The following ABCB5 variants were observed in gnomAD, a reference collection of about 807,000 sequenced individuals.
ABCB5 encodes the protein ATP binding cassette subfamily B member 5.
ABCB5 carries 155 observed loss-of-function variants against 144.2 expected under a neutral mutation model. That is an observed-to-expected ratio of 1.08 (90% CI 0.94 to 1.23). The LOEUF (loss-of-function observed/expected upper bound fraction) is 1.23, where lower values mean the gene tolerates loss of function less well. Ranked by LOEUF, ABCB5 falls within the 50% of genes most tolerant of loss-of-function variation. The probability of loss-of-function intolerance (pLI) is 0.00; values close to 1 mark genes in which losing one functional copy is unlikely to be tolerated. For missense variants in ABCB5, 1,830 were observed against 1,520.8 expected (o/e 1.20, Z -3.38); for synonymous variants, 610 against 528.6 (o/e 1.15, Z -2.11).
chr7:20,742,620 C>T lies in ABCB5; in HGVS notation c.3025-257C>T, dbSNP rs192946033. On this transcript the variant is annotated intron_variant, in intron 24 of 27. Transcript: ENST00000404938. ...GAATGGAACTGTCTGTGCAGCAAAG[C>T]TGAAGGAAGCAAGTGGTTTTTAGAA... Among the ~76,000 whole-genome samples, 151 of 152,292 alleles carry T rather than the reference C, an allele frequency of 9.9e-4. 1 individual carries two copies. The highest frequency in any genetic ancestry group is 3.6e-3 in the African/African-American group (148 of 41,560).
chr7:20,722,159 G>C (rs1053146549), intron 20 of ABCB5, among the ~76,000 whole-genome samples: 1 of 152,154 alleles, frequency 6.6e-6, no homozygotes, highest in Non-Finnish European at 1.5e-5. Flanking sequence ...TCAAACATCA[G>C]CTTTATTACC....
intron 5 of ABCB5, among the ~76,000 whole-genome samples, chr7:20,642,881 C>T (rs534905583): frequency 6.6e-6 from 1 of 152,040 alleles, no homozygotes; most frequent in Non-Finnish European, 1.5e-5. Flanking sequence ...CCTACAATTA[C>T]CTTGATTGAC....
In ABCB5 at chr7:20,632,064, T is replaced by C; in HGVS notation, c.265T>C (p.Tyr89His). The C allele has an allele frequency of 6.6e-7, 1 of 1,514,730 alleles. No homozygotes were observed. Among genetic ancestry groups the C allele is most frequent in the Non-Finnish European group, 8.9e-7 (1 of 1,129,638 alleles). 93.8% of individuals were successfully genotyped at this position (1,514,730 alleles called of 1,614,324 possible). ...GCLVQTNTTN[Y>H]QNCTQSQEKL... The stretch of plus-strand genomic sequence containing the variant: ...TTAAATAACCTTTTTTACAGCAAAT[T>C]ATCAGAACTGTACTCAGTCTCAAGA... The change falls in exon 5 of 28, where the codon TAT becomes CAT. Residue 89 changes from tyrosine to histidine, a missense_variant. Physicochemically the swap from Tyr to His is moderately conservative, Grantham distance 83. Coordinates refer to ENST00000404938, the MANE Select transcript of ABCB5 (RefSeq NM_001163941.2).
intron 15 of ABCB5, among the ~76,000 whole-genome samples, chr7:20,682,054 A>C (rs1785849783): frequency 6.6e-6 from 1 of 152,026 alleles, no homozygotes; most frequent in South Asian, 2.1e-4. Context: ...AACACACAAA[A>C]ATTAGCTGGG....
Position 20,699,867 on chromosome 7 carries a change from G to A in ABCB5, c.2197G>A (p.Glu733Lys), listed in dbSNP as rs779350155. The A allele has an allele frequency of 1.2e-6, 2 of 1,612,586 alleles. No homozygotes were observed. The highest frequency in any genetic ancestry group is 4.5e-5 in the East Asian group (2 of 44,776). ...TAAAACCACATTAAAGCATGATGCA[G>A]AAATTTATTCCATGATATTCGTCAT... ...NDKTTLKHDA[E>K]IYSMIFVILG... Residue 733 changes from glutamate (E) to lysine (K), a missense_variant, in exon 18 of 28, where the codon GAA becomes AAA. Coordinates refer to ENST00000404938, the MANE Select transcript of ABCB5 (RefSeq NM_001163941.2).
intron 1 of ABCB5, among the ~76,000 whole-genome samples, chr7:20,620,831 G>A (rs1242598648): frequency 6.6e-6 from 1 of 152,092 alleles, no homozygotes; most frequent in African/African-American, 2.4e-5. Flanking sequence ...AAAACAGTAT[G>A]AATATTTCTC....
chr7:20,691,361 CGGAGA>C (rs940011774), intron 16 of ABCB5, among the ~76,000 whole-genome samples: 4 of 151,244 alleles, frequency 2.6e-5, no homozygotes, highest in African/African-American at 9.7e-5. Flanking sequence ...AGCAAAGAAC[CGGAGA>C]GGAGAGAACT....
intron 16 of ABCB5, among the ~76,000 whole-genome samples, chr7:20,689,482 A>G (rs1323364448): frequency 6.6e-6 from 1 of 152,228 alleles, no homozygotes; most frequent in Non-Finnish European, 1.5e-5. Flanking sequence ...TGTCATCTGC[A>G]GGAGTCTAGG....
chr7:20,658,413 G>A, intron 13 of ABCB5, 93 bp from the exon 14 acceptor site: 1 of 1,247,886 alleles, frequency 8.0e-7, no homozygotes, highest in Non-Finnish European at 1.1e-6. Context: ...TGATTAAGCT[G>A]ATATTAAAAC....
intron 20 of ABCB5, among the ~76,000 whole-genome samples, chr7:20,715,359 T>TG (rs1781637614): frequency 6.6e-6 from 1 of 151,952 alleles, no homozygotes; most frequent in African/African-American, 2.4e-5. Flanking sequence ...ACTACTTACT[T>TG]CATTTCCTTT....
intron 14 of ABCB5, chr7:20,659,389 TAAGC>T (rs1468367577): frequency 1.6e-5 from 20 of 1,212,734 alleles, no homozygotes; most frequent in Non-Finnish European, 2.0e-5. Context: ...GGAAGTGAGT[TAAGC>T]GTTTTTTTTT....
intron 26 of ABCB5, among the ~76,000 whole-genome samples, chr7:20,750,057 G>C (rs1230459502): frequency 6.6e-6 from 1 of 152,140 alleles, no homozygotes; most frequent in African/African-American, 2.4e-5. Flanking sequence ...AGTCACTGAA[G>C]ATTTTTAAAT....
rs1025834392 is a variant in ABCB5, at chr7:20,643,760, C to T, written c.678+128C>T. On this transcript the variant is annotated intron_variant, in intron 7 of 27. Coordinates refer to ENST00000404938, the MANE Select transcript of ABCB5 (RefSeq NM_001163941.2). ...CCAAACTACAAAGGGATATTATACA[C>T]CACAAATACTTTTGATTTTGTTCAC... is the stretch of plus-strand genomic sequence containing the variant. 8.3e-6 allele frequency: 8 copies of T among 962,418 alleles called. No individual in the cohort carries two copies. In the African/African-American group the frequency reaches 1.3e-4, roughly 16 times the overall value. The allele number at this position is 962,418 out of a possible 1,614,324, so 59.6% of individuals were successfully genotyped here.
At chr7:20,700,247 C>G in intron 19 of ABCB5, 112 bp downstream of exon 19, 1 of 974,904 alleles carries the variant, frequency 1.0e-6, no homozygotes, top group East Asian at 2.7e-5. Context: ...TGAAAGCACA[C>G]TCTTTTTGTT....
chr7:20,704,269 G>A (rs1364037598), intron 19 of ABCB5, among the ~76,000 whole-genome samples: 3 of 151,750 alleles, frequency 2.0e-5, no homozygotes, highest in Non-Finnish European at 4.4e-5. Context: ...TAAAGACAGA[G>A]TTTTGCCATG....
At chr7:20,690,899 C>T (rs1264822579) in intron 16 of ABCB5, among the ~76,000 whole-genome samples, 1 of 151,940 alleles carries the variant, frequency 6.6e-6, no homozygotes, top group East Asian at 1.9e-4. Context: ...TGTTAACTGC[C>T]GTGAAGAATC....
chr7:20,736,566 A>C (rs188678734), intron 23 of ABCB5, among the ~76,000 whole-genome samples: 1 of 152,284 alleles, frequency 6.6e-6, no homozygotes, highest in African/African-American at 2.4e-5. Context: ...ACTCCTCTTC[A>C]TATATCCCAA....
intron 20 of ABCB5, among the ~76,000 whole-genome samples, chr7:20,706,701 A>G (rs1221963807): frequency 6.6e-6 from 1 of 152,236 alleles, no homozygotes; most frequent in East Asian, 1.9e-4. Context: ...CCAAATTTAA[A>G]AAGTAAAACA....
intron 16 of ABCB5, among the ~76,000 whole-genome samples, chr7:20,697,893 GC>G (rs1786479866): frequency 6.6e-6 from 1 of 152,120 alleles, no homozygotes. Flanking sequence ...GCAATATTTT[GC>G]TTGTAAATAA....
Sources: allele counts gnomAD v4.1 joint callset (sites outside exome capture counted in the v4.1 genomes callset), GRCh38; gene constraint gnomAD v4.1.1; transcripts MANE v1.5; gene names NCBI Gene and HGNC (gene_info 2026-07-23, HGNC 2026-07-21).